The following CDK8 variants were observed in gnomAD, a reference collection of about 807,000 sequenced individuals.
CDK8 encodes cyclin dependent kinase 8.
In CDK8, 29 loss-of-function variants were observed where a neutral mutation model predicts 71.5. That is an observed-to-expected ratio of 0.41 (90% confidence interval 0.30 to 0.55). CDK8 has a LOEUF of 0.55. Ranked by LOEUF, CDK8 falls within the 20% of genes least tolerant of loss-of-function variation. The probability of loss-of-function intolerance (pLI) is 0.37; values close to 1 mark genes in which losing one functional copy is unlikely to be tolerated. For missense variants in CDK8, 288 were observed against 572.6 expected (o/e 0.50, Z 5.07); for synonymous variants, 161 against 192.1 (o/e 0.84, Z 1.34).
intron 4 of CDK8, among the ~76,000 whole-genome samples, chr13:26,370,483 A>G (rs1326424083): frequency 6.6e-6 from 1 of 152,230 alleles, no homozygotes; most frequent in East Asian, 1.9e-4. Flanking sequence ...TCTTAATAAA[A>G]TAAGAAAAGG....
At chr13:26,324,768 A>G (rs958882139) in intron 1 of CDK8, 11 of 752,024 alleles carry the variant, frequency 1.5e-5, no homozygotes, top group Middle Eastern at 6.8e-4. Flanking sequence ...TTTTTTCTTA[A>G]TAGAGTTGTT....
chr13:26,328,501 C>G (rs1033820825), intron 1 of CDK8, among the ~76,000 whole-genome samples: 3 of 152,150 alleles, frequency 2.0e-5, no homozygotes, highest in African/African-American at 7.2e-5. Context: ...AAACCCTAAA[C>G]CACATCTGTT....
intron 1 of CDK8, among the ~76,000 whole-genome samples, chr13:26,266,927 A>G (rs1473942896): frequency 6.6e-6 from 1 of 152,184 alleles, no homozygotes; most frequent in Non-Finnish European, 1.5e-5. Context: ...GATGAATTCA[A>G]GTAGTCCAGA....
At chr13:26,398,590 C>A (rs1876100174) in intron 9 of CDK8, among the ~76,000 whole-genome samples, 1 of 152,118 alleles carries the variant, frequency 6.6e-6, no homozygotes, top group Non-Finnish European at 1.5e-5. Flanking sequence ...CCTTTCAACC[C>A]TAAAAATAAA....
At chr13:26,304,112 A>G (rs28615495) in intron 1 of CDK8, among the ~76,000 whole-genome samples, 8,786 of 151,892 alleles carry the variant, frequency 0.058, 856 homozygotes, top group African/African-American at 0.2. Context: ...AAAAATACAA[A>G]AAATTAGCCA....
rs531595215 is a variant in CDK8, at chr13:26,394,515, C to G, written c.790+1005C>G. On this transcript the variant is annotated intron_variant, in intron 7 of 12. Transcript: ENST00000381527. ...TGATGTAACAGACATGATTTTTGCC[C>G]CCTTGGAGTTTGCATTGTACTGCTA... is the stretch of plus-strand genomic sequence containing the variant. Among the ~76,000 whole-genome samples, 504 of 152,216 alleles carry G rather than the reference C, an allele frequency of 3.3e-3. 4 individuals are homozygous for G. Among genetic ancestry groups the G allele is most frequent in the African/African-American group, 0.011 (470 of 41,540 alleles).
At position 26,336,698 on chromosome 13, in the gene CDK8, C is replaced by T. The variant is rs9581643; in HGVS notation, c.129-869C>T. ...CCTCCCGAGTAGCTGGGACTACAGG[C>T]GCCCGCCACCACACCCGGCTAATTG... On this transcript the variant is annotated intron_variant, in intron 1 of 12. Transcript: ENST00000381527. Among the ~76,000 whole-genome samples the T allele has an allele frequency of 2.2e-3, 333 of 151,986 alleles. 3 individuals are homozygous for T. The highest frequency in any genetic ancestry group is 7.2e-3 in the African/African-American group (300 of 41,476).
intron 4 of CDK8, among the ~76,000 whole-genome samples, chr13:26,366,447 A>G (rs901000780): frequency 2.0e-5 from 3 of 152,170 alleles, no homozygotes; most frequent in African/African-American, 7.2e-5. Context: ...AGTAACCGTT[A>G]CTGAATTAAC....
At chr13:26,282,406 C>G (rs911795655) in intron 1 of CDK8, among the ~76,000 whole-genome samples, 3 of 152,150 alleles carry the variant, frequency 2.0e-5, no homozygotes, top group Admixed American at 6.5e-5. Context: ...GGATTTGGAT[C>G]CTATCTTTAG....
intron 1 of CDK8, among the ~76,000 whole-genome samples, chr13:26,319,464 C>A (rs758197243): frequency 6.7e-6 from 1 of 148,982 alleles, no homozygotes. Context: ...AGTGAAACTC[C>A]ACTTAAAAAA....
chr13:26,342,733 A>G (rs1873296266), intron 2 of CDK8, among the ~76,000 whole-genome samples: 1 of 152,146 alleles, frequency 6.6e-6, no homozygotes. Flanking sequence ...AACAACAACA[A>G]CAAAACACCA....
At chr13:26,271,989 C>T (rs1459440984) in intron 1 of CDK8, among the ~76,000 whole-genome samples, 3 of 151,694 alleles carry the variant, frequency 2.0e-5, no homozygotes, top group Admixed American at 2.0e-4. Flanking sequence ...ACTTTATAAA[C>T]ACTGTACACT....
intron 1 of CDK8, among the ~76,000 whole-genome samples, chr13:26,279,479 G>A (rs1027020139): frequency 6.6e-6 from 1 of 151,798 alleles, no homozygotes; most frequent in Non-Finnish European, 1.5e-5. Context: ...AAAAATCACC[G>A]GTATAGTTGT....
chr13:26,331,013 C>T (rs1013865028), intron 1 of CDK8, among the ~76,000 whole-genome samples: 1 of 152,128 alleles, frequency 6.6e-6, no homozygotes, highest in African/African-American at 2.4e-5. Context: ...TGAGAAATTG[C>T]CATGCCATTT....
intron 4 of CDK8, among the ~76,000 whole-genome samples, chr13:26,376,205 G>C (rs1051588680): frequency 2.4e-5 from 2 of 83,132 alleles, no homozygotes; most frequent in African/African-American, 3.2e-5. Flanking sequence ...AGCTAGGTTC[G>C]CTTTTTTAAT....
chr13:26,371,252 A>G (rs1242444533), intron 4 of CDK8, among the ~76,000 whole-genome samples: 2 of 152,202 alleles, frequency 1.3e-5, no homozygotes, highest in African/African-American at 4.8e-5. Flanking sequence ...CATATAAGTC[A>G]CATTTAGTCT....
intron 1 of CDK8, among the ~76,000 whole-genome samples, chr13:26,256,308 T>C (rs1021436314): frequency 1.3e-5 from 2 of 152,150 alleles, no homozygotes; most frequent in African/African-American, 2.4e-5. Context: ...TTTAAAATTA[T>C]GTTTGTTAAC....
intron 4 of CDK8, among the ~76,000 whole-genome samples, chr13:26,364,275 G>T (rs969006090): frequency 6.6e-5 from 10 of 152,096 alleles, no homozygotes; most frequent in African/African-American, 2.4e-4. Context: ...ATAAATATGA[G>T]AGTGCATCAT....
At chr13:26,262,584 G>A (rs960036977) in intron 1 of CDK8, among the ~76,000 whole-genome samples, 43 of 152,274 alleles carry the variant, frequency 2.8e-4, no homozygotes, top group Non-Finnish European at 1.6e-4. Flanking sequence ...CAATCCAAAG[G>A]CAAGAGCAAG....
Sources: gnomAD v4.1 joint callset for allele counts (sites outside exome capture counted in the v4.1 genomes callset) on GRCh38, gnomAD v4.1.1 for gene constraint, MANE v1.5 for transcripts, NCBI Gene and HGNC (gene_info 2026-07-23, HGNC 2026-07-21) for gene names.